GRIA3: variants seen among roughly 807,000 people sequenced by gnomAD.
GRIA3 encodes glutamate ionotropic receptor AMPA type subunit 3.
GRIA3 carries 3 observed loss-of-function variants against 63.0 expected under a neutral mutation model. The ratio of observed to expected loss-of-function variants is 0.05; its 90% CI spans 0.02 to 0.12. The LOEUF (loss-of-function observed/expected upper bound fraction) is 0.12. GRIA3 is among the 10% of genes least tolerant of loss of function. The pLI is 1.00. For synonymous variants in GRIA3, 274 were observed against 257.9 expected, an observed-to-expected ratio of 1.06 and a Z score of -0.60; for missense variants, 347 against 700.9, an observed-to-expected ratio of 0.50 and a Z score of 5.70.
intron 2 of GRIA3, among the ~76,000 whole-genome samples, chrX:123,213,529 A>G (rs775626563): frequency 8.9e-6 from 1 of 112,166 alleles, no homozygotes; most frequent in African/African-American, 3.2e-5. Flanking sequence ...TTGATTCTAC[A>G]GTTCACACTC....
chrX:123,347,624 G>A (rs1303288728), intron 4 of GRIA3, among the ~76,000 whole-genome samples: 2 of 111,169 alleles, frequency 1.8e-5, no homozygotes, highest in Non-Finnish European at 1.9e-5. Context: ...CTCCCCACTC[G>A]GAGGCTCCAT....
intron 2 of GRIA3, among the ~76,000 whole-genome samples, chrX:123,222,833 C>A (rs777181560): frequency 8.9e-6 from 1 of 111,853 alleles, no homozygotes; most frequent in Non-Finnish European, 1.9e-5. Flanking sequence ...ATGGGTTGTT[C>A]TGACTGTTCT....
chrX:123,309,457 G>A (rs1386586510), intron 3 of GRIA3, among the ~76,000 whole-genome samples: 1 of 111,333 alleles, frequency 9.0e-6, no homozygotes. Context: ...TTCCTCTTTA[G>A]CATTGCTGCT....
At chrX:123,378,095 A>G (rs2045298321) in intron 5 of GRIA3, among the ~76,000 whole-genome samples, 1 of 111,532 alleles carries the variant, frequency 9.0e-6, no homozygotes, top group Non-Finnish European at 1.9e-5. Context: ...CTCCCCCATC[A>G]GTGTCTTTGC....
At chrX:123,240,084 C>T (rs979645831) in intron 2 of GRIA3, among the ~76,000 whole-genome samples, 7 of 111,563 alleles carry the variant, frequency 6.3e-5, no homozygotes, top group Non-Finnish European at 1.3e-4. Flanking sequence ...TAGATTCGAG[C>T]TAGACCATCT....
chrX:123,391,550 A>G (rs903082820), intron 5 of GRIA3, among the ~76,000 whole-genome samples: 3 of 111,357 alleles, frequency 2.7e-5, no homozygotes, highest in Non-Finnish European at 5.7e-5. Context: ...CAACAGGTCA[A>G]ACATACCTGT....
intron 11 of GRIA3, among the ~76,000 whole-genome samples, chrX:123,422,207 C>T (rs774327147): frequency 8.9e-6 from 1 of 112,042 alleles, no homozygotes; most frequent in Admixed American, 9.5e-5. Flanking sequence ...AGTGTGTATG[C>T]TCAAAGTAAG....
chrX:123,373,176 C>T (rs193151984), intron 5 of GRIA3, among the ~76,000 whole-genome samples: 7,559 of 110,321 alleles, frequency 0.069, 670 homozygotes, highest in African/African-American at 0.24. Context: ...TCATCCATGT[C>T]CCTACAAAGG....
intron 12 of GRIA3, among the ~76,000 whole-genome samples, chrX:123,455,307 A>G (rs1021240711): frequency 1.8e-5 from 2 of 112,097 alleles, no homozygotes; most frequent in African/African-American, 3.2e-5. Flanking sequence ...TGAATGTTAA[A>G]AATGTGCAAA....
At chrX:123,452,164 C>T (rs761652181) in intron 12 of GRIA3, among the ~76,000 whole-genome samples, 2 of 111,572 alleles carry the variant, frequency 1.8e-5, no homozygotes, top group East Asian at 5.7e-4. Flanking sequence ...ATTCTAAACA[C>T]ATCGTTGAAT....
chrX:123,332,170 G>T (rs1471780575), intron 4 of GRIA3, among the ~76,000 whole-genome samples: 1 of 106,069 alleles, frequency 9.4e-6, no homozygotes. Flanking sequence ...AACCTCTCTG[G>T]TTTTTTTTTT....
At chrX:123,344,461 C>A (rs1037579559) in intron 4 of GRIA3, among the ~76,000 whole-genome samples, 3 of 111,689 alleles carry the variant, frequency 2.7e-5, no homozygotes, top group Non-Finnish European at 5.6e-5. Flanking sequence ...GTCAAAGACC[C>A]CAACTTCCTG....
At chrX:123,410,598 CAG>C (rs949195922) in intron 10 of GRIA3, among the ~76,000 whole-genome samples, 8 of 111,731 alleles carry the variant, frequency 7.2e-5, no homozygotes, top group Non-Finnish European at 1.5e-4. Flanking sequence ...TTAAGAAAGG[CAG>C]AGAGTCGATT....
chrX:123,461,958 G>A (rs1054743397), intron 12 of GRIA3, among the ~76,000 whole-genome samples: 1 of 111,783 alleles, frequency 8.9e-6, no homozygotes, highest in African/African-American at 3.3e-5. Context: ...AGGAAACCCA[G>A]GCTTTACAAG....
chrX:123,398,875 G>T, intron 7 of GRIA3, 72 bp downstream of exon 7: 1 of 860,412 alleles, frequency 1.2e-6, no homozygotes, highest in Non-Finnish European at 1.7e-6. Context: ...CCTTGATCTT[G>T]AGAGAAGACA....
At chrX:123,470,987 G>A (rs979332418) in intron 13 of GRIA3, among the ~76,000 whole-genome samples, 9 of 112,193 alleles carry the variant, frequency 8.0e-5, no homozygotes, top group Non-Finnish European at 1.3e-4. Flanking sequence ...CACTTCCTGG[G>A]TCTTAGCAGA....
intron 3 of GRIA3, among the ~76,000 whole-genome samples, chrX:123,261,165 A>G (rs995053908): frequency 3.6e-5 from 4 of 111,200 alleles, no homozygotes; most frequent in African/African-American, 1.3e-4. Flanking sequence ...TCAGTAGGGG[A>G]AAAAATTCAA....
At chrX:123,202,526 A>ACAT (rs1374973682) in intron 2 of GRIA3, 4 of 769,948 alleles carry the variant, frequency 5.2e-6, no homozygotes, top group Middle Eastern at 4.6e-4. Flanking sequence ...TGGACAGTGT[A>ACAT]CATCAAGGTT....
rs1210068559 is a variant in GRIA3 at position 123,232,124 on chromosome X, G to A, written c.269-21179G>A. Among the ~76,000 whole-genome samples, 3 of 111,709 alleles carry A rather than the reference G, an allele frequency of 2.7e-5. No homozygotes were observed. In the East Asian group the frequency reaches 8.5e-4, roughly 31 times the overall value. On this transcript the variant is annotated intron_variant, in intron 2 of 15. Coordinates refer to ENST00000620443, the MANE Select transcript of GRIA3 (RefSeq NM_007325.5). ...AGTCCTCACTTTCAAGTAGAAATAA[G>A]AAGTAATGGAATTTTCACATATGTA...
Sources: allele counts gnomAD v4.1 joint callset (sites outside exome capture counted in the v4.1 genomes callset), GRCh38; gene constraint gnomAD v4.1.1; transcripts MANE v1.5; gene names NCBI Gene and HGNC (gene_info 2026-07-23, HGNC 2026-07-21).